MCRS1: variants seen among roughly 807,000 people sequenced by gnomAD.
MCRS1 encodes 58 kDa microspherule protein.
In MCRS1, 22 loss-of-function variants were observed where a neutral mutation model predicts 62.9. That is an observed-to-expected ratio of 0.35 (90% CI 0.25 to 0.50). The LOEUF (loss-of-function observed/expected upper bound fraction) is 0.50. MCRS1 is among the 20% of genes least tolerant of loss of function. MCRS1 has a pLI of 0.98. For missense variants in MCRS1, 456 were observed against 601.1 expected, an observed-to-expected ratio of 0.76 and a Z score of 2.52; for synonymous variants, 244 against 233.5, an observed-to-expected ratio of 1.04 and a Z score of -0.41.
chr12:49,566,053 C>G, intron 3 of MCRS1, 24 bp downstream of exon 3: 1 of 1,606,724 alleles, frequency 6.2e-7, no homozygotes, highest in Non-Finnish European at 8.5e-7. Flanking sequence ...TTTCCCAGTT[C>G]CTGGCCCTCC....
At position 49,566,854 on chromosome 12, in the gene MCRS1, A is replaced by G; in HGVS notation, c.-110-13T>C. The stretch of plus-strand genomic sequence containing the variant: ...CTGAGAGGAGATTCTGCAAAGGAGA[A>G]ATGAGGCTCCCTGAGGCTCAGATTT... On this transcript the variant is annotated splice_polypyrimidine_tract_variant and intron_variant, in intron 1 of 14. Coordinates refer to ENST00000343810, the MANE Select transcript of MCRS1 (RefSeq NM_006337.5). 1 of 1,336,496 alleles carries G rather than the reference A, an allele frequency of 7.5e-7. No homozygotes were observed. The highest frequency in any genetic ancestry group is 1.3e-5 in the South Asian group (1 of 79,858). 82.8% of individuals were successfully genotyped at this position (1,336,496 alleles called of 1,614,324 possible).
chr12:49,565,685 C>T lies in MCRS1; in HGVS notation c.150-18G>A. On this transcript the variant is annotated intron_variant, in intron 3 of 14. Transcript: ENST00000343810. Reference sequence around the variant, plus strand: ...TGATGAACCTGTAAAGGGTCCTGCCCAGTGAACACTCCTTACCCCACCCTG... The same window carrying T: ...TGATGAACCTGTAAAGGGTCCTGCCTAGTGAACACTCCTTACCCCACCCTG... 1.2e-6 allele frequency: 2 copies of T among 1,614,070 alleles called. No individual in the cohort carries two copies. The highest frequency in any genetic ancestry group is 2.2e-5 in the South Asian group (2 of 91,076).
At chr12:49,566,570 G>A in intron 2 of MCRS1, 152 bp downstream of exon 2, 2 of 1,479,830 alleles carry the variant, frequency 1.4e-6, no homozygotes, top group East Asian at 2.5e-5. Flanking sequence ...TCAGTCAACT[G>A]TGGCTCTGCC....
Position 49,558,935 on chromosome 12 carries a change from T to C in MCRS1, c.1210A>G (p.Ile404Val), listed in dbSNP as rs1190871876. Residue 404 changes from isoleucine to valine, a missense_variant, in exon 14 of 15, where the codon ATT becomes GTT. Ile to Val is a conservative substitution (Grantham distance 29). Transcript: ENST00000343810. The stretch of plus-strand genomic sequence containing the variant: ...ATGGGCCGTCGACCCTCATTGGCAA[T>C]GAAGAAATCACCGTTGTTCTTCAGC... ...IKLKNNGDFF[I>V]ANEGRRPIYI... 1.2e-6 allele frequency: 2 copies of C among 1,612,514 alleles called. No individual in the cohort carries two copies. The highest frequency in any genetic ancestry group is 1.1e-5 in the South Asian group (1 of 91,076).
intron 8 of MCRS1, among the ~76,000 whole-genome samples, chr12:49,561,722 C>T (rs1486591244): frequency 1.3e-5 from 2 of 152,340 alleles, no homozygotes; most frequent in East Asian, 1.9e-4. Flanking sequence ...CTCTGCCTCC[C>T]GGGTTCAGCA....
chr12:49,563,217 C>A, intron 7 of MCRS1, 78 bp from the exon 8 acceptor site: 2 of 1,528,102 alleles, frequency 1.3e-6, no homozygotes, highest in Non-Finnish European at 8.8e-7. Context: ...CTACCTCCCA[C>A]CTCAGCATCC....
rs1167190375 is a variant in MCRS1 at position 49,559,946 on chromosome 12, C to T, written c.903G>A (p.Leu301=). ...SKLKDMRDEV[L]EHELMVADRR... is the part of the protein sequence containing the mutation. ...CCATGAGGCCATACTTACCATGTTCCAGGACCTCATCTCGCATGTCCCTGA... is the reference window on the plus strand; with the variant it reads ...CCATGAGGCCATACTTACCATGTTCTAGGACCTCATCTCGCATGTCCCTGA... Residue 301 remains leucine, a synonymous_variant, in exon 10 of 15, where the codon CTG becomes CTA. Coordinates refer to ENST00000343810, the MANE Select transcript of MCRS1 (RefSeq NM_006337.5). This position sits in a 1 kb window ranked among gnomAD's most constrained non-coding sequence, Gnocchi z 5.2. 3.1e-5 allele frequency: 50 copies of T among 1,614,068 alleles called. No homozygotes were observed. The highest frequency in any genetic ancestry group is 4.0e-5 in the African/African-American group (3 of 74,922).
chr12:49,562,112 C>G (rs1032760854), intron 8 of MCRS1, among the ~76,000 whole-genome samples: 2 of 152,134 alleles, frequency 1.3e-5, no homozygotes, highest in African/African-American at 4.8e-5. Flanking sequence ...GAAGATGGGG[C>G]CTCCTTCTGA....
At position 49,559,964 on chromosome 12, in the gene MCRS1, G is replaced by A. The variant is rs773614928; in HGVS notation, c.885C>T (p.Asp295=). ...EDLIDDSKLK[D]MRDEVLEHEL... ...CATGTTCCAGGACCTCATCTCGCAT[G>A]TCCCTGAGGGGCAAGAAGAGAAGGA... The change falls in exon 10 of 15, where the codon GAC becomes GAT. Residue 295 remains aspartate (D), a synonymous_variant. Coordinates refer to ENST00000343810, the MANE Select transcript of MCRS1 (RefSeq NM_006337.5). The surrounding 1 kb of genome is among the most constrained non-coding windows in gnomAD (Gnocchi z 5.2). 1 of 1,614,174 alleles carries A rather than the reference G, an allele frequency of 6.2e-7. No individual in the cohort carries two copies. The highest frequency in any genetic ancestry group is 1.7e-5 in the Admixed American group (1 of 60,026).
chr12:49,560,065 T>TGGAA, intron 9 of MCRS1, 98 bp from the exon 10 acceptor site: 2 of 1,508,032 alleles, frequency 1.3e-6, no homozygotes, highest in Non-Finnish European at 1.8e-6. Context: ...CCAAGTGGCC[T>TGGAA]GGAAGGTGGT....
intron 5 of MCRS1, 58 bp from the exon 6 acceptor site, chr12:49,564,648 C>T (rs1938956821): frequency 1.2e-6 from 2 of 1,607,888 alleles, no homozygotes; most frequent in Admixed American, 1.7e-5. Flanking sequence ...CCCTTCTTTG[C>T]CACCCACAGG....
At chr12:49,567,900 G>C (rs1255562468) in intron 1 of MCRS1, 148 bp downstream of exon 1, 2 of 152,318 alleles carry the variant, frequency 1.3e-5, no homozygotes, top group East Asian at 3.9e-4. Context: ...TTCTAACCCG[G>C]TCCGGCCCAC....
At chr12:49,563,238 GGAAGAAGCAAGCTA>G in intron 7 of MCRS1, 99 bp from the exon 8 acceptor site, 2 of 1,511,382 alleles carry the variant, frequency 1.3e-6, no homozygotes, top group Admixed American at 2.0e-5. Context: ...CCCAGGAGCT[GGAAGAAGCAAGCTA>G]GTCACCCAAG....
intron 7 of MCRS1, 123 bp from the exon 8 acceptor site, chr12:49,563,262 G>A (rs547400398): frequency 5.4e-6 from 8 of 1,473,210 alleles, no homozygotes; most frequent in South Asian, 5.1e-5. Flanking sequence ...AGTCACCCAA[G>A]AAGTCAGGCT....
At chr12:49,565,805 G>A in intron 3 of MCRS1, 138 bp from the exon 4 acceptor site, 5 of 1,279,566 alleles carry the variant, frequency 3.9e-6, no homozygotes, top group Non-Finnish European at 4.4e-6. Flanking sequence ...CCACAGCCTG[G>A]TTGTGGCCAT....
At chr12:49,558,781 T>C (rs1231386666) in intron 14 of MCRS1, 52 bp from the exon 15 acceptor site, 1 of 1,613,552 alleles carries the variant, frequency 6.2e-7, no homozygotes, top group South Asian at 1.1e-5. Flanking sequence ...AGGACCAAGT[T>C]GGTGTACTGG....
chr12:49,564,343 T>G (rs1409253024), intron 6 of MCRS1, 138 bp downstream of exon 6: 1 of 662,164 alleles, frequency 1.5e-6, no homozygotes, highest in African/African-American at 1.8e-5. Context: ...CTCTCAGGCC[T>G]CAGTATCACC....
At chr12:49,561,596 A>G (rs1392102618) in intron 8 of MCRS1, among the ~76,000 whole-genome samples, 1 of 152,274 alleles carries the variant, frequency 6.6e-6, no homozygotes, top group African/African-American at 2.4e-5. Flanking sequence ...TAAGGCTTTT[A>G]GTTAACAAAT....
rs761160233 is a variant in MCRS1 at position 49,559,864 on chromosome 12, C to T, written c.911-43G>A. ...GGTAAGGAGGGATGCTCTGAGGCCACCAGCACCTTGTACTGGTCCTCTTGA... is the reference window on the plus strand; with the variant it reads ...GGTAAGGAGGGATGCTCTGAGGCCATCAGCACCTTGTACTGGTCCTCTTGA... On this transcript the variant is annotated intron_variant, in intron 10 of 14. Coordinates refer to ENST00000343810, the MANE Select transcript of MCRS1 (RefSeq NM_006337.5). This position sits in a 1 kb window ranked among gnomAD's most constrained non-coding sequence, Gnocchi z 5.2. 1 of 1,614,104 alleles carries T rather than the reference C, an allele frequency of 6.2e-7. No individual in the cohort carries two copies. Among genetic ancestry groups the T allele is most frequent in the Admixed American group, 1.7e-5 (1 of 60,026 alleles).
Sources: gnomAD v4.1 joint callset for allele counts (sites outside exome capture counted in the v4.1 genomes callset) on GRCh38, gnomAD v4.1.1 for gene constraint, Gnocchi (gnomAD v3.1) non-coding constraint, MANE v1.5 for transcripts, NCBI Gene and HGNC (gene_info 2026-07-23, HGNC 2026-07-21) for gene names.